The following CORO2B variants were observed in gnomAD, a reference collection of about 807,000 sequenced individuals.
CORO2B encodes the protein coronin 2B.
A neutral mutation model predicts 58.8 loss-of-function variants in CORO2B; 26 were observed. The ratio of observed to expected loss-of-function variants is 0.44; its 90% CI spans 0.32 to 0.61. CORO2B has a LOEUF of 0.61. Among genes scored for constraint, CORO2B ranks in the 20% least tolerant of loss-of-function variants. The pLI, the probability that CORO2B is intolerant of heterozygous loss-of-function variation, is 0.04. For missense variants in CORO2B, 460 were observed against 645.1 expected (o/e 0.71, Z 3.11); for synonymous variants, 242 against 253.8 (o/e 0.95, Z 0.44).
intron 1 of CORO2B, among the ~76,000 whole-genome samples, chr15:68,623,735 G>C (rs995153403): frequency 9.9e-5 from 15 of 152,184 alleles, no homozygotes; most frequent in Non-Finnish European, 1.5e-4. Flanking sequence ...GGCAGGGCTG[G>C]GTGAGGATTA....
At chr15:68,545,080 G>C in the CORO2B span, among the ~76,000 whole-genome samples, 1 of 152,222 alleles carries the variant, frequency 6.6e-6, no homozygotes, top group East Asian at 1.9e-4. Flanking sequence ...GGCCTGCAAG[G>C]CACATTCTTG....
At chr15:68,669,866 G>C (rs993952497) in intron 2 of CORO2B, among the ~76,000 whole-genome samples, 1 of 152,024 alleles carries the variant, frequency 6.6e-6, no homozygotes, top group South Asian at 2.1e-4. Flanking sequence ...AGACCAGCCT[G>C]GCCAACATGG....
the CORO2B span, among the ~76,000 whole-genome samples, chr15:68,544,555 G>C: frequency 1.2e-3 from 190 of 152,304 alleles, no homozygotes; most frequent in African/African-American, 4.4e-3. Flanking sequence ...AGAAGATCCT[G>C]ATGCAGTCAA....
intron 3 of CORO2B, among the ~76,000 whole-genome samples, chr15:68,696,572 A>AAG (rs1892517785): frequency 6.6e-6 from 1 of 151,568 alleles, no homozygotes; most frequent in Non-Finnish European, 1.5e-5. Flanking sequence ...AAAAAAAAAA[A>AAG]AAGAATCCAG....
At chr15:68,601,154 C>T (rs965355382) in intron 1 of CORO2B, among the ~76,000 whole-genome samples, 6 of 152,164 alleles carry the variant, frequency 3.9e-5, no homozygotes, top group African/African-American at 9.7e-5. Context: ...TCCAGAAAGC[C>T]GCATTCTCTC....
chr15:68,708,831 CACA>C (rs888696460), intron 3 of CORO2B, among the ~76,000 whole-genome samples: 1 of 152,146 alleles, frequency 6.6e-6, no homozygotes, highest in African/African-American at 2.4e-5. Flanking sequence ...AGGTGCATGC[CACA>C]ACATCTGGCT....
At position 68,579,030 on chromosome 15, in the gene CORO2B, C is replaced by T; in HGVS notation, c.-233C>T. On this transcript the variant is annotated 5_prime_UTR_variant, in exon 1 of 12. Transcript: ENST00000261861. ...CCTTCCTGCGGCGAAGGAGGCTCATCTATTATAAATGCACATTCGGGGCTG... is the reference window on the plus strand; with the variant it reads ...CCTTCCTGCGGCGAAGGAGGCTCATTTATTATAAATGCACATTCGGGGCTG... 1 of 984,684 alleles carries T rather than the reference C, an allele frequency of 1.0e-6. No individual in the cohort carries two copies. Among genetic ancestry groups the T allele is most frequent in the East Asian group, 1.1e-4 (1 of 8,768 alleles). The allele number at this position is 984,684 out of a possible 1,614,324, so 61.0% of individuals were successfully genotyped here. A position where few individuals can be genotyped will look rare whatever the true frequency, so the allele number is the denominator to read the frequency against.
intron 7 of CORO2B, among the ~76,000 whole-genome samples, chr15:68,714,988 G>T (rs977086463): frequency 3.3e-5 from 5 of 152,138 alleles, no homozygotes; most frequent in Non-Finnish European, 7.4e-5. Context: ...TTGTCAGAAA[G>T]GCTGTCTACA....
At chr15:68,598,247 C>A (rs1037540317) in intron 1 of CORO2B, among the ~76,000 whole-genome samples, 2 of 152,324 alleles carry the variant, frequency 1.3e-5, no homozygotes, top group South Asian at 2.1e-4. Context: ...TGTCCCGGCT[C>A]TCAGGGAACT....
At position 68,714,000 on chromosome 15, in the gene CORO2B, G is replaced by T. The variant is rs754897969; in HGVS notation, c.724G>T (p.Val242Phe). ...CATGAAGCGGCTCCTCACGACAGGGGTCTCCAGGTGGAACACAAGACAGAT... is the reference window on the plus strand; with the variant it reads ...CATGAAGCGGCTCCTCACGACAGGGTTCTCCAGGTGGAACACAAGACAGAT... ...GNMKRLLTTGVSRWNTRQIAL... is the reference protein window; with the variant it reads ...GNMKRLLTTGFSRWNTRQIAL... The change falls in exon 6 of 12, where the codon GTC (valine) becomes TTC (phenylalanine). Residue 242 changes from valine (V) to phenylalanine (F), a missense_variant. This residue lies in a region of CORO2B where 352 missense variants were observed against 543.0 expected (regional missense o/e 0.65). Coordinates refer to ENST00000261861, the MANE Select transcript of CORO2B (RefSeq NM_006091.5). 5 of 1,614,088 alleles carry T rather than the reference G, an allele frequency of 3.1e-6. No homozygotes were observed. The highest frequency in any genetic ancestry group is 4.2e-6 in the Non-Finnish European group (5 of 1,179,966).
intron 2 of CORO2B, among the ~76,000 whole-genome samples, chr15:68,689,307 C>G (rs1892299238): frequency 6.6e-6 from 1 of 151,866 alleles, no homozygotes; most frequent in African/African-American, 2.4e-5. Context: ...AACCAGATGG[C>G]AGGTTAGAGC....
chr15:68,554,804 C>T, the CORO2B span, among the ~76,000 whole-genome samples: 1 of 152,190 alleles, frequency 6.6e-6, no homozygotes, highest in Non-Finnish European at 1.5e-5. Flanking sequence ...AGGGCTCCTT[C>T]CCAGAGAGTC....
chr15:68,637,749 C>T (rs1247835681), intron 1 of CORO2B, among the ~76,000 whole-genome samples: 1 of 143,968 alleles, frequency 6.9e-6, no homozygotes, highest in Non-Finnish European at 1.5e-5. Flanking sequence ...TGGGCTCCCC[C>T]CACATTACAC....
chr15:68,626,645 G>C (rs1428188721), intron 1 of CORO2B, among the ~76,000 whole-genome samples: 1 of 152,208 alleles, frequency 6.6e-6, no homozygotes, highest in Non-Finnish European at 1.5e-5. Context: ...ACTGCTTCTA[G>C]AGCAGTGGCT....
At chr15:68,714,838 T>C (rs1002186020) in intron 7 of CORO2B, among the ~76,000 whole-genome samples, 175 bp downstream of exon 7, 1 of 152,212 alleles carries the variant, frequency 6.6e-6, no homozygotes, top group African/African-American at 2.4e-5. Flanking sequence ...TACTCAAGTG[T>C]CTGCTACCAA....
chr15:68,580,502 ATGTT>A (rs1899402253), intron 1 of CORO2B, among the ~76,000 whole-genome samples: 1 of 152,132 alleles, frequency 6.6e-6, no homozygotes, highest in South Asian at 2.1e-4. Flanking sequence ...CCAAGACTGA[ATGTT>A]TGTGCGGATT....
chr15:68,556,720 C>T, the CORO2B span, among the ~76,000 whole-genome samples: 1 of 152,320 alleles, frequency 6.6e-6, no homozygotes, highest in African/African-American at 2.4e-5. Context: ...GGTTGTTGTT[C>T]GGGGTCTTCT....
chr15:68,713,116 A>C (rs1056343312), intron 5 of CORO2B, among the ~76,000 whole-genome samples: 2 of 152,198 alleles, frequency 1.3e-5, no homozygotes, highest in African/African-American at 2.4e-5. Context: ...GCCAGTGGGC[A>C]GGAAAGGAGG....
In CORO2B at chr15:68,719,244, C is replaced by CGG; in HGVS notation, c.1171+15_1171+16dup. 1.2e-6 allele frequency: 2 copies of CGG among 1,612,872 alleles called. No individual in the cohort carries two copies. On this transcript the variant is annotated intron_variant, in intron 10 of 11. Transcript: ENST00000261861. ...GGAGGCATCAACCGAGGTACCACAG[C>CGG]GGGGGGCTCCACAGAGCACAGGCGG...
Sources: gnomAD v4.1 joint callset for allele counts (sites outside exome capture counted in the v4.1 genomes callset) on GRCh38, gnomAD v4.1.1 for gene constraint, gnomAD v4.1.1 regional missense constraint, MANE v1.5 for transcripts, NCBI Gene and HGNC (gene_info 2026-07-23, HGNC 2026-07-21) for gene names.